The following RAB31 variants were observed in gnomAD, a reference collection of about 807,000 sequenced individuals.
RAB31 encodes ras-related protein Rab-31.
A neutral mutation model predicts 25.6 loss-of-function variants in RAB31; 21 were observed. The observed-to-expected ratio is 0.82, with a 90% CI of 0.58 to 1.18. RAB31 has a LOEUF of 1.18. Among genes scored for constraint, RAB31 ranks in the 50% most tolerant of loss-of-function variants. The pLI, the probability that RAB31 is intolerant of heterozygous loss-of-function variation, is 0.00. For missense variants in RAB31, 196 were observed against 250.1 expected, an observed-to-expected ratio of 0.78 and a Z score of 1.46; for synonymous variants, 87 against 84.0, an observed-to-expected ratio of 1.04 and a Z score of -0.20.
intron 5 of RAB31, among the ~76,000 whole-genome samples, chr18:9,827,977 G>A (rs9959041): frequency 0.6 from 91,142 of 151,894 alleles, 28,222 homozygotes; most frequent in Non-Finnish European, 0.68. Flanking sequence ...GGTTCAGGAA[G>A]GGGAGAGGTC....
At chr18:9,724,288 C>CA (rs796963366) in intron 1 of RAB31, among the ~76,000 whole-genome samples, 4 of 46,652 alleles carry the variant, frequency 8.6e-5, no homozygotes, top group Admixed American at 6.4e-4. Flanking sequence ...AAAAAAAAAA[C>CA]AAAAAAAAAA....
intron 1 of RAB31, among the ~76,000 whole-genome samples, chr18:9,720,897 T>C (rs2068070792): frequency 6.6e-6 from 1 of 152,072 alleles, no homozygotes; most frequent in Non-Finnish European, 1.5e-5. Flanking sequence ...AGTTTATAGC[T>C]TCGGTGAAAT....
At chr18:9,843,561 A>C (rs1275054559) in intron 5 of RAB31, among the ~76,000 whole-genome samples, 1 of 151,998 alleles carries the variant, frequency 6.6e-6, no homozygotes, top group Admixed American at 6.6e-5. Context: ...AAAAAAAAAA[A>C]AAAACTTCAG....
chr18:9,829,789 T>C (rs1413159939), intron 5 of RAB31, among the ~76,000 whole-genome samples: 1 of 152,220 alleles, frequency 6.6e-6, no homozygotes, highest in Non-Finnish European at 1.5e-5. Context: ...TTTTATATAT[T>C]TATTGGCCAT....
chr18:9,761,677 T>C (rs1453807790), intron 1 of RAB31, among the ~76,000 whole-genome samples: 6 of 152,292 alleles, frequency 3.9e-5, no homozygotes, highest in African/African-American at 1.4e-4. Context: ...TGGCCTGTTG[T>C]ATATGTGCCC....
chr18:9,783,272 G>T (rs2298503), intron 2 of RAB31, among the ~76,000 whole-genome samples: 36,301 of 152,032 alleles, frequency 0.24, 5,128 homozygotes, highest in East Asian at 0.49. Context: ...TTACGGGCTG[G>T]TTCATTGAGT....
At chr18:9,718,798 T>TCCC (rs2068057095) in intron 1 of RAB31, among the ~76,000 whole-genome samples, 1 of 151,580 alleles carries the variant, frequency 6.6e-6, no homozygotes, top group South Asian at 2.1e-4. Context: ...GTAAGGGAGC[T>TCCC]CCCTGGGGCC....
At chr18:9,772,333 T>C (rs1482604740) in intron 1 of RAB31, among the ~76,000 whole-genome samples, 2 of 151,920 alleles carry the variant, frequency 1.3e-5, no homozygotes, top group Non-Finnish European at 2.9e-5. Context: ...GCGAGGTTTG[T>C]CACTGGGTGA....
chr18:9,796,424 A>G (rs2068487444), intron 3 of RAB31, among the ~76,000 whole-genome samples: 1 of 152,222 alleles, frequency 6.6e-6, no homozygotes, highest in African/African-American at 2.4e-5. Flanking sequence ...GCATGCTAAA[A>G]TATAGCTAAA....
chr18:9,772,432 C>T (rs1409614572), intron 1 of RAB31, among the ~76,000 whole-genome samples: 1 of 152,206 alleles, frequency 6.6e-6, no homozygotes, highest in Admixed American at 6.5e-5. Flanking sequence ...GTGGGGCAGC[C>T]CCATCACCAC....
intron 1 of RAB31, among the ~76,000 whole-genome samples, chr18:9,749,101 A>C (rs1310174691): frequency 2.0e-5 from 3 of 152,222 alleles, no homozygotes; most frequent in Non-Finnish European, 2.9e-5. Context: ...AGGCATCATT[A>C]CAGATTTGCA....
intron 2 of RAB31, among the ~76,000 whole-genome samples, chr18:9,779,995 C>A (rs115584496): frequency 6.6e-6 from 1 of 151,650 alleles, no homozygotes; most frequent in Non-Finnish European, 1.5e-5. Context: ...GGCAACAGGG[C>A]GAAACTTGGT....
intron 1 of RAB31, among the ~76,000 whole-genome samples, chr18:9,742,123 T>A (rs539822494): frequency 1.1e-4 from 16 of 152,044 alleles, no homozygotes; most frequent in Non-Finnish European, 2.4e-4. Context: ...GGGCTCGAAG[T>A]GGGAAGGCAA....
intron 6 of RAB31, among the ~76,000 whole-genome samples, chr18:9,857,135 C>G (rs2068820188): frequency 6.6e-6 from 1 of 152,194 alleles, no homozygotes; most frequent in East Asian, 1.9e-4. Flanking sequence ...AAAGCCACAG[C>G]TGCAGAAATT....
rs113224513 is a variant in RAB31, at chr18:9,708,630, C to T, written c.39+186C>T. 0.15 allele frequency among the ~76,000 whole-genome samples: 22,666 copies of T among 150,892 alleles called. 1,759 individuals are homozygous for T. The highest frequency in any genetic ancestry group is 0.32 in the Middle Eastern group (92 of 292). On this transcript the variant is annotated intron_variant, in intron 1 of 6. Coordinates refer to ENST00000578921, the MANE Select transcript of RAB31 (RefSeq NM_006868.4). This position sits in a 1 kb window ranked among gnomAD's most constrained non-coding sequence, Gnocchi z 6.4. ...CCCCCTGGCTCCCCTAGTCCGTGCG[C>T]CCCTCGCTCTCCGCGCCCCTCGCTC...
In RAB31 at chr18:9,708,410, T is replaced by G; in HGVS notation, c.5T>G (p.Met2Arg). 1 of 1,566,678 alleles carries G rather than the reference T, an allele frequency of 6.4e-7. No individual in the cohort carries two copies. Among genetic ancestry groups the G allele is most frequent in the Non-Finnish European group, 8.6e-7 (1 of 1,158,062 alleles). ...GCACTGCCTGGCTGCGAGCACATGA[T>G]GGCGATACGGGAGCTCAAAGTGTGC... M[M>R]AIRELKVCLL... The change falls in exon 1 of 7, where the codon ATG becomes AGG. Residue 2 changes from methionine (M) to arginine (R), a missense_variant. Transcript: ENST00000578921. The surrounding 1 kb of genome is among the most constrained non-coding windows in gnomAD (Gnocchi z 6.4).
chr18:9,834,603 T>C (rs1051066767), intron 5 of RAB31, among the ~76,000 whole-genome samples: 19 of 152,154 alleles, frequency 1.2e-4, no homozygotes, highest in Admixed American at 6.5e-5. Context: ...TACAGAGACA[T>C]AAGGAAAGAA....
intron 1 of RAB31, among the ~76,000 whole-genome samples, chr18:9,756,108 G>A (rs2068259309): frequency 6.6e-6 from 1 of 152,180 alleles, no homozygotes; most frequent in South Asian, 2.1e-4. Flanking sequence ...CCATGAGAAG[G>A]TCATGTGAGC....
At chr18:9,837,071 A>T (rs1447300533) in intron 5 of RAB31, among the ~76,000 whole-genome samples, 1 of 147,048 alleles carries the variant, frequency 6.8e-6, no homozygotes, top group Admixed American at 6.8e-5. Context: ...GGTGAGACAC[A>T]TGAAGAGAGT....
Sources: allele counts gnomAD v4.1 joint callset (sites outside exome capture counted in the v4.1 genomes callset), GRCh38; gene constraint gnomAD v4.1.1; non-coding constraint Gnocchi (gnomAD v3.1); transcripts MANE v1.5; gene names NCBI Gene and HGNC (gene_info 2026-07-23, HGNC 2026-07-21).